Variants in MACF1 observed in about 807,000 individuals in gnomAD.
The protein encoded by MACF1 is microtubule-actin cross-linking factor 1.
Under a neutral mutation model 854.8 loss-of-function variants are expected in MACF1, and 193 were observed. The ratio of observed to expected loss-of-function variants is 0.23; its 90% CI spans 0.20 to 0.25. The LOEUF is 0.25. Ranked by LOEUF, MACF1 falls within the 10% of genes least tolerant of loss-of-function variation. MACF1 has a pLI of 1.00. For missense variants in MACF1, 7,722 were observed against 8,929.1 expected (o/e 0.86, Z 5.45); for synonymous variants, 3,185 against 3,226.7 (o/e 0.99, Z 0.44).
chr1:39,459,294 T>C, intron 91 of MACF1, 45 bp downstream of exon 91: 4 of 1,572,130 alleles, frequency 2.5e-6, no homozygotes, highest in Non-Finnish European at 3.4e-6. Flanking sequence ...AGTGCTTTTT[T>C]CAATCAAAAC....
chr1:39,356,897 C>T (rs1261440616), intron 44 of MACF1, among the ~76,000 whole-genome samples: 1 of 152,118 alleles, frequency 6.6e-6, no homozygotes, highest in African/African-American at 2.4e-5. Context: ...CATTATAGGT[C>T]GTGCCACAAA....
intron 92 of MACF1, 87 bp from the exon 93 acceptor site, chr1:39,461,791 CAAAAA>C (rs59393084): frequency 0.014 from 4,906 of 348,084 alleles, 2 homozygotes; most frequent in Middle Eastern, 0.024. Flanking sequence ...GACCTTGTCT[CAAAAA>C]AAAAAAAAAA....
chr1:39,236,424 C>G (rs1644859941), intron 2 of MACF1, among the ~76,000 whole-genome samples: 1 of 152,230 alleles, frequency 6.6e-6, no homozygotes, highest in Non-Finnish European at 1.5e-5. Flanking sequence ...CTGGATAACA[C>G]AAACTTAACA....
In MACF1 at chr1:39,378,653, G is replaced by A. The variant is rs147692962; in HGVS notation, c.13276+130G>A. On this transcript the variant is annotated intron_variant, in intron 53 of 100. Transcript: ENST00000564288. ...AATGGGTGTGAGGATAAAAATCTGG[G>A]GAGAAGCAACTGTGGTTTGCTGGCT... 38 of 866,896 alleles carry A rather than the reference G, an allele frequency of 4.4e-5. No individual in the cohort carries two copies. The African/African-American group carries it at 5.4e-4, about 12-fold the overall frequency. The allele number at this position is 866,896 out of a possible 1,614,324, so 53.7% of individuals were successfully genotyped here.
chr1:39,448,216 A>C, intron 83 of MACF1, 64 bp downstream of exon 83: 2 of 1,527,808 alleles, frequency 1.3e-6, no homozygotes. Context: ...TATCTTGCCA[A>C]AAATAAAAAT....
At chr1:39,257,248 T>A (rs1645107339) in intron 5 of MACF1, among the ~76,000 whole-genome samples, 1 of 152,216 alleles carries the variant, frequency 6.6e-6, no homozygotes, top group South Asian at 2.1e-4. Flanking sequence ...AACTGTTGAT[T>A]CATGCAACAG....
In MACF1 at chr1:39,334,894, A is replaced by T. The variant is rs1646785496; in HGVS notation, c.8306A>T (p.His2769Leu). Reference sequence around the variant, plus strand: ...ATAGATAGTTCAGAGTTCAGCGATCACAGGGCTCAGATTGAAAAGCAAGAA... The same window carrying T: ...ATAGATAGTTCAGAGTTCAGCGATCTCAGGGCTCAGATTGAAAAGCAAGAA... ...IQIDSSEFSD[H>L]RAQIEKQEGI... Residue 2769 changes from histidine (H) to leucine (L), a missense_variant, in exon 37 of 101, where the codon CAC (histidine) becomes CTC (leucine). By Grantham distance (99) the His-to-Leu change is moderately conservative (BLOSUM62 -3). Coordinates refer to ENST00000564288, the MANE Select transcript of MACF1 (RefSeq NM_001394062.1). 1 of 1,614,228 alleles carries T rather than the reference A, an allele frequency of 6.2e-7. No homozygotes were observed. Among genetic ancestry groups the T allele is most frequent in the East Asian group, 2.2e-5 (1 of 44,878 alleles).
chr1:39,201,816 T>C (rs370922351), upstream of MACF1, among the ~76,000 whole-genome samples: 61 of 152,220 alleles, frequency 4.0e-4, no homozygotes, highest in African/African-American at 1.4e-3. Flanking sequence ...TACTCTTTCC[T>C]TTCCTCTTTC....
chr1:39,434,735 G>A (rs567556585), intron 69 of MACF1, 103 bp downstream of exon 69: 62 of 929,924 alleles, frequency 6.7e-5, no homozygotes, highest in South Asian at 1.1e-4. Flanking sequence ...TCTGTGTTAC[G>A]AAGTTAATTC....
chr1:39,103,415 C>G (rs1197362097), intron 2 of MACF1: 3 of 175,084 alleles, frequency 1.7e-5, no homozygotes, highest in Admixed American at 1.1e-4. Context: ...TGCGTGATTT[C>G]TGTCTGGGCC....
intron 36 of MACF1, 155 bp from the exon 37 acceptor site, chr1:39,331,048 C>A: frequency 8.9e-7 from 1 of 1,127,512 alleles, no homozygotes; most frequent in Non-Finnish European, 1.2e-6. Context: ...ATTTGCCTGC[C>A]TTGGGCAGAT....
chr1:39,465,223 C>A, intron 95 of MACF1, 111 bp downstream of exon 95: 3 of 1,098,166 alleles, frequency 2.7e-6, no homozygotes, highest in Non-Finnish European at 4.2e-6. Context: ...GCCTGGGTCG[C>A]ACCTGGTTGT....
chr1:39,134,859 G>C (rs1643124369), intron 2 of MACF1, among the ~76,000 whole-genome samples: 1 of 152,154 alleles, frequency 6.6e-6, no homozygotes, highest in East Asian at 1.9e-4. Context: ...TCACTTGATT[G>C]TTGTGCAGCC....
At chr1:39,419,965 C>T (rs1016435702) in intron 58 of MACF1, among the ~76,000 whole-genome samples, 2 of 152,132 alleles carry the variant, frequency 1.3e-5, no homozygotes, top group Admixed American at 6.6e-5. Context: ...ACTTGCCTAG[C>T]CTATTTTACT....
Position 39,368,324 on chromosome 1 carries a change from C to T in MACF1, c.12938+10C>T, listed in dbSNP as rs1411465209. 7 of 1,609,114 alleles carry T rather than the reference C, an allele frequency of 4.4e-6. No individual in the cohort carries two copies. The highest frequency in any genetic ancestry group is 1.3e-5 in the African/African-American group (1 of 74,970). On this transcript the variant is annotated intron_variant, in intron 50 of 100. Coordinates refer to ENST00000564288, the MANE Select transcript of MACF1 (RefSeq NM_001394062.1). ...AGACAGTTAAAGAGAGGTGAGTTAT[C>T]ACTTGTGTTGGTCAGCATTGGGGAA... is the stretch of plus-strand genomic sequence containing the variant.
At chr1:39,241,453 C>G (rs1030324423) in intron 2 of MACF1, among the ~76,000 whole-genome samples, 2 of 151,794 alleles carry the variant, frequency 1.3e-5, no homozygotes, top group African/African-American at 2.4e-5. Flanking sequence ...TGAGGTCAGG[C>G]GTTCGGGACC....
chr1:39,238,743 T>C (rs1644887900), intron 2 of MACF1, among the ~76,000 whole-genome samples: 1 of 152,198 alleles, frequency 6.6e-6, no homozygotes, highest in Non-Finnish European at 1.5e-5. Context: ...CTTAAATCCT[T>C]GGTGATTTTT....
At chr1:39,088,688 C>A (rs149888438) in intron 2 of MACF1, among the ~76,000 whole-genome samples, 6 of 152,270 alleles carry the variant, frequency 3.9e-5, no homozygotes, top group Non-Finnish European at 5.9e-5. Flanking sequence ...GGAGTACAAC[C>A]CCAAAGGGTA....
chr1:39,319,385 G>A (rs931740400), intron 30 of MACF1, among the ~76,000 whole-genome samples: 2 of 152,110 alleles, frequency 1.3e-5, no homozygotes, highest in African/African-American at 2.4e-5. Flanking sequence ...CGAGGCATGG[G>A]GATCACTTGA....
Sources: gnomAD v4.1 joint callset for allele counts (sites outside exome capture counted in the v4.1 genomes callset) on GRCh38, gnomAD v4.1.1 for gene constraint, MANE v1.5 for transcripts, NCBI Gene and HGNC (gene_info 2026-07-23, HGNC 2026-07-21) for gene names.